ODAD2: variants seen among roughly 807,000 people sequenced by gnomAD.
The protein encoded by ODAD2 is outer dynein arm-docking complex subunit 2.
A neutral mutation model predicts 106.8 loss-of-function variants in ODAD2; 89 were observed. That is an observed-to-expected ratio of 0.83 (90% confidence interval 0.70 to 0.99). The LOEUF (loss-of-function observed/expected upper bound fraction) is 0.99, where lower values mean the gene tolerates loss of function less well. ODAD2 is among the 50% of genes least tolerant of loss of function. The pLI is 0.00. For synonymous variants in ODAD2, 404 were observed against 436.2 expected (o/e 0.93, Z 0.92); for missense variants, 1,168 against 1,238.5 (o/e 0.94, Z 0.85).
At chr10:27,918,659 C>T (rs1844561377) in intron 16 of ODAD2, among the ~76,000 whole-genome samples, 2 of 151,790 alleles carry the variant, frequency 1.3e-5, no homozygotes, top group South Asian at 2.1e-4. Context: ...TGTTTGCACT[C>T]ATTTGATTGT....
At position 27,875,458 on chromosome 10, in the gene ODAD2, GCT is replaced by G. The variant is rs571399483; in HGVS notation, c.2611-12838_2611-12837del. Among the ~76,000 whole-genome samples the G allele has an allele frequency of 4.8e-3, 731 of 152,262 alleles. 4 individuals carry two copies. Among genetic ancestry groups the G allele is most frequent in the African/African-American group, 0.016 (684 of 41,532 alleles). The stretch of plus-strand genomic sequence containing the variant: ...GATTTTTAGAATTTTCAGCTTTTCT[GCT>G]CTGTTTTTCCCCATCTTTGTGGTTT... On this transcript the variant is annotated intron_variant, in intron 17 of 19. Coordinates refer to ENST00000305242, the MANE Select transcript of ODAD2 (RefSeq NM_018076.5).
chr10:27,956,080 G>T (rs1689134663), intron 10 of ODAD2, among the ~76,000 whole-genome samples: 1 of 152,144 alleles, frequency 6.6e-6, no homozygotes, highest in Non-Finnish European at 1.5e-5. Flanking sequence ...ATCCACGCCA[G>T]TGTTTGATGA....
intron 19 of ODAD2, among the ~76,000 whole-genome samples, chr10:27,843,787 A>C (rs1368968266): frequency 1.3e-5 from 2 of 152,098 alleles, no homozygotes; most frequent in African/African-American, 2.4e-5. Flanking sequence ...AAAACAAAAA[A>C]CTTAGCACTG....
At chr10:27,979,576 A>G (rs1416511672) in intron 7 of ODAD2, among the ~76,000 whole-genome samples, 1 of 152,168 alleles carries the variant, frequency 6.6e-6, no homozygotes, top group Non-Finnish European at 1.5e-5. Context: ...ATACACTAGC[A>G]GTGAATAATT....
Position 27,913,970 on chromosome 10 carries a change from C to A in ODAD2, c.2496-6193G>T, listed in dbSNP as rs890086821. On this transcript the variant is annotated intron_variant, in intron 16 of 19. Transcript: ENST00000305242. The stretch of plus-strand genomic sequence containing the variant: ...AACAACTAACATTTAACCCAGCAAT[C>A]CCATTATTAGGTATAAACCCAAAGG... Among the ~76,000 whole-genome samples the A allele has an allele frequency of 3.9e-5, 6 of 152,086 alleles. No homozygotes were observed. In the South Asian group the frequency reaches 8.3e-4, roughly 21 times the overall value.
At chr10:27,936,596 G>T in intron 15 of ODAD2, 130 bp downstream of exon 15, 2 of 1,078,286 alleles carry the variant, frequency 1.9e-6, no homozygotes, top group Non-Finnish European at 2.7e-6. Context: ...CCTTCATTGG[G>T]CTAACTTCAT....
chr10:27,920,624 A>G (rs973115467), intron 16 of ODAD2, among the ~76,000 whole-genome samples: 1 of 152,212 alleles, frequency 6.6e-6, no homozygotes, highest in Non-Finnish European at 1.5e-5. Context: ...TATGCAGATG[A>G]AAAACAAAAA....
chr10:27,941,003 G>A (rs1846378482), intron 12 of ODAD2, among the ~76,000 whole-genome samples, 198 bp from the exon 13 acceptor site: 1 of 151,984 alleles, frequency 6.6e-6, no homozygotes, highest in South Asian at 2.1e-4. Flanking sequence ...TCCAGATTTG[G>A]GAGCTTATAC....
At chr10:27,844,868 G>A (rs183049127) in intron 19 of ODAD2, among the ~76,000 whole-genome samples, 3 of 152,304 alleles carry the variant, frequency 2.0e-5, no homozygotes, top group East Asian at 3.9e-4. Context: ...GGGTGGTGGC[G>A]AAGGAGTTGG....
chr10:27,947,877 T>C (rs369786019), intron 10 of ODAD2, among the ~76,000 whole-genome samples: 157 of 152,322 alleles, frequency 1.0e-3, no homozygotes, highest in African/African-American at 3.6e-3. Flanking sequence ...GAGGACTTGC[T>C]TGACTGCTAT....
chr10:27,928,363 T>C (rs1019877078), intron 16 of ODAD2, among the ~76,000 whole-genome samples: 1 of 152,170 alleles, frequency 6.6e-6, no homozygotes, highest in African/African-American at 2.4e-5. Flanking sequence ...GATTTCTCTA[T>C]TTTTATTACA....
At chr10:27,818,687 C>A (rs1836344799) in intron 19 of ODAD2, among the ~76,000 whole-genome samples, 1 of 152,206 alleles carries the variant, frequency 6.6e-6, no homozygotes, top group Non-Finnish European at 1.5e-5. Flanking sequence ...CTAGCTACAG[C>A]AACTCCACCT....
At chr10:27,927,744 C>T (rs1242845761) in intron 16 of ODAD2, among the ~76,000 whole-genome samples, 1 of 152,060 alleles carries the variant, frequency 6.6e-6, no homozygotes, top group Non-Finnish European at 1.5e-5. Flanking sequence ...TCTAGTTCCC[C>T]GCTCAACTCT....
intron 17 of ODAD2, among the ~76,000 whole-genome samples, chr10:27,894,365 A>G (rs1180940338): frequency 6.6e-6 from 1 of 152,160 alleles, no homozygotes; most frequent in Admixed American, 6.6e-5. Context: ...ATTTACATGT[A>G]TCTTTGGTCA....
chr10:27,903,770 AT>A (rs1180010943), intron 17 of ODAD2, among the ~76,000 whole-genome samples: 1 of 152,122 alleles, frequency 6.6e-6, no homozygotes, highest in African/African-American at 2.4e-5. Flanking sequence ...CTCCTATTAG[AT>A]ACAGCTGAGG....
At chr10:27,949,587 G>C (rs375771471) in intron 10 of ODAD2, among the ~76,000 whole-genome samples, 1 of 152,272 alleles carries the variant, frequency 6.6e-6, no homozygotes, top group African/African-American at 2.4e-5. Context: ...CCTAAATAAG[G>C]CCAGAGCCCA....
intron 17 of ODAD2, among the ~76,000 whole-genome samples, chr10:27,887,272 A>G (rs1438056773): frequency 1.3e-5 from 2 of 152,186 alleles, no homozygotes; most frequent in East Asian, 3.9e-4. Context: ...ACAAGGAAGG[A>G]TATATAAAGG....
At chr10:27,930,431 T>C (rs1845531538) in intron 16 of ODAD2, among the ~76,000 whole-genome samples, 1 of 152,022 alleles carries the variant, frequency 6.6e-6, no homozygotes, top group African/African-American at 2.4e-5. Context: ...GGAGGATTGC[T>C]TGAGCCCAAG....
chr10:27,897,268 C>G (rs1162243028), intron 17 of ODAD2, among the ~76,000 whole-genome samples: 1 of 152,096 alleles, frequency 6.6e-6, no homozygotes, highest in Non-Finnish European at 1.5e-5. Flanking sequence ...CTCCTAAAGG[C>G]TAATGAGCCC....
Sources: gnomAD v4.1 joint callset for allele counts (sites outside exome capture counted in the v4.1 genomes callset) on GRCh38, gnomAD v4.1.1 for gene constraint, MANE v1.5 for transcripts, NCBI Gene and HGNC (gene_info 2026-07-23, HGNC 2026-07-21) for gene names.